GRIP1: variants seen among roughly 807,000 people sequenced by gnomAD.
GRIP1 encodes the protein glutamate receptor-interacting protein 1.
GRIP1 carries 45 observed loss-of-function variants against 129.9 expected under a neutral mutation model. The ratio of observed to expected loss-of-function variants is 0.35; its 90% CI spans 0.27 to 0.44. The LOEUF is 0.44. Among genes scored for constraint, GRIP1 ranks in the 20% least tolerant of loss-of-function variants. The pLI, the probability that GRIP1 is intolerant of heterozygous loss-of-function variation, is 1.00. For missense variants in GRIP1, 1,196 were observed against 1,396.8 expected (o/e 0.86, Z 2.29); for synonymous variants, 530 against 520.8 (o/e 1.02, Z -0.24).
At chr12:66,918,380 A>T (rs958104508) in intron 1 of GRIP1, among the ~76,000 whole-genome samples, 4 of 152,222 alleles carry the variant, frequency 2.6e-5, no homozygotes, top group Non-Finnish European at 5.9e-5. Flanking sequence ...AGGGAGGGCC[A>T]TCTTATTTTC....
rs544016293 is a variant in GRIP1 at position 66,656,751 on chromosome 12, A to G, written c.55+22099T>C. 2.6e-5 allele frequency among the ~76,000 whole-genome samples: 4 copies of G among 152,326 alleles called. No homozygotes were observed. In the East Asian group the frequency reaches 7.7e-4, roughly 29 times the overall value. On this transcript the variant is annotated intron_variant, in intron 1 of 24. Transcript: ENST00000359742. Reference sequence around the variant, plus strand: ...CATGGGGGATGGCACTTATTTATTAATTAAATAAATATTAAATGCCTGGCT... The same window carrying G: ...CATGGGGGATGGCACTTATTTATTAGTTAAATAAATATTAAATGCCTGGCT...
intron 15 of GRIP1, among the ~76,000 whole-genome samples, chr12:66,413,391 G>T (rs539955468): frequency 3.2e-4 from 48 of 152,146 alleles, no homozygotes; most frequent in African/African-American, 5.8e-4. Context: ...AAATCAAGAA[G>T]TTCTTTGAAA....
intron 9 of GRIP1, among the ~76,000 whole-genome samples, chr12:66,459,282 C>T (rs1246415453): frequency 6.6e-6 from 1 of 152,174 alleles, no homozygotes; most frequent in Non-Finnish European, 1.5e-5. Context: ...CAGGAGATGT[C>T]CCTAATGGAT....
At chr12:66,658,690 T>C (rs796130591) in intron 1 of GRIP1, among the ~76,000 whole-genome samples, 5 of 152,104 alleles carry the variant, frequency 3.3e-5, no homozygotes, top group African/African-American at 1.2e-4. Context: ...AGGAGGACTG[T>C]TTCAGCCCAG....
intron 1 of GRIP1, among the ~76,000 whole-genome samples, chr12:66,979,916 T>A (rs1566104437): frequency 6.6e-6 from 1 of 152,154 alleles, no homozygotes; most frequent in Non-Finnish European, 1.5e-5. Context: ...CTGGCCCTGC[T>A]GTCACCTTGA....
chr12:67,025,381 C>CA (rs2042927671), intron 1 of GRIP1, among the ~76,000 whole-genome samples: 1 of 151,812 alleles, frequency 6.6e-6, no homozygotes, highest in African/African-American at 2.4e-5. Flanking sequence ...AAAGAATAAG[C>CA]AAAAAGAACA....
At chr12:66,709,345 A>G (rs186653390) in intron 1 of GRIP1, among the ~76,000 whole-genome samples, 1 of 152,138 alleles carries the variant, frequency 6.6e-6, no homozygotes, top group African/African-American at 2.4e-5. Flanking sequence ...TAACAGACTC[A>G]GAATTCAAAA....
chr12:66,838,601 TGGGA>T (rs2039659660), intron 1 of GRIP1, among the ~76,000 whole-genome samples: 3 of 152,198 alleles, frequency 2.0e-5, no homozygotes, highest in Admixed American at 2.0e-4. Flanking sequence ...GAGGAATGTT[TGGGA>T]TCAGTGACTG....
intron 1 of GRIP1, among the ~76,000 whole-genome samples, chr12:67,061,390 A>T (rs1437418178): frequency 1.3e-5 from 2 of 152,248 alleles, no homozygotes; most frequent in Admixed American, 6.5e-5. Context: ...ACAGATGAGA[A>T]AGCCACAGTC....
intron 1 of GRIP1, among the ~76,000 whole-genome samples, chr12:66,675,059 AAGAG>A (rs1442430950): frequency 6.6e-6 from 1 of 152,118 alleles, no homozygotes; most frequent in East Asian, 1.9e-4. Context: ...TGTATTTGGG[AAGAG>A]AGAGAAAGTG....
intron 1 of GRIP1, among the ~76,000 whole-genome samples, chr12:66,855,869 A>T (rs1480527695): frequency 6.6e-6 from 1 of 152,064 alleles, no homozygotes; most frequent in African/African-American, 2.4e-5. Flanking sequence ...TGAATATTTT[A>T]TTCTCTTCAT....
intron 2 of GRIP1, chr12:66,567,690 T>G (rs1405037137): frequency 4.6e-6 from 1 of 219,304 alleles, no homozygotes; most frequent in Non-Finnish European, 9.9e-6. Context: ...TGTTGCATAT[T>G]TTGCATACAT....
intron 15 of GRIP1, among the ~76,000 whole-genome samples, chr12:66,419,523 T>C (rs1007939846): frequency 1.3e-5 from 2 of 152,228 alleles, no homozygotes; most frequent in African/African-American, 4.8e-5. Context: ...ATGTAATTAC[T>C]GTGCATTGCA....
At chr12:66,463,209 G>A (rs1158425450) in intron 8 of GRIP1, 116 bp from the exon 9 acceptor site, 1 of 941,734 alleles carries the variant, frequency 1.1e-6, no homozygotes, top group Non-Finnish European at 1.7e-6. Context: ...TAAAAGAAAA[G>A]AAAAGTTTGA....
rs116136679 is a variant in GRIP1 at position 66,430,833 on chromosome 12, C to T, written c.1768+1715G>A. Among the ~76,000 whole-genome samples the T allele has an allele frequency of 4.3e-3, 656 of 152,218 alleles. 7 individuals carry two copies. The highest frequency in any genetic ancestry group is 0.015 in the African/African-American group (622 of 41,530). ...AAAGCTTCTGAGGAATAGATGACTT[C>T]ACAATACCAACCAGCAGGAAGCATC... is the stretch of plus-strand genomic sequence containing the variant. On this transcript the variant is annotated intron_variant, in intron 14 of 24. Transcript: ENST00000359742.
chr12:66,659,557 G>A (rs1415882196), intron 1 of GRIP1, among the ~76,000 whole-genome samples: 1 of 152,148 alleles, frequency 6.6e-6, no homozygotes, highest in Non-Finnish European at 1.5e-5. Flanking sequence ...TGAATGTTAA[G>A]GTGTTTCCAT....
chr12:66,440,958 T>C (rs991983226), intron 13 of GRIP1, among the ~76,000 whole-genome samples: 5 of 152,212 alleles, frequency 3.3e-5, no homozygotes, highest in African/African-American at 1.2e-4. Flanking sequence ...GAGCCCACAA[T>C]GGTGTCCAGT....
chr12:66,543,799 T>C (rs930442271), intron 2 of GRIP1, among the ~76,000 whole-genome samples: 1 of 152,188 alleles, frequency 6.6e-6, no homozygotes, highest in Non-Finnish European at 1.5e-5. Context: ...ATGCAGAGTA[T>C]CCTATATATT....
At chr12:66,618,249 T>C (rs1185004446) in intron 1 of GRIP1, among the ~76,000 whole-genome samples, 1 of 152,186 alleles carries the variant, frequency 6.6e-6, no homozygotes, top group East Asian at 1.9e-4. Flanking sequence ...ATATTTTCAG[T>C]GGAAGCAGCG....
Sources: gnomAD v4.1 joint callset for allele counts (sites outside exome capture counted in the v4.1 genomes callset) on GRCh38, gnomAD v4.1.1 for gene constraint, MANE v1.5 for transcripts, NCBI Gene and HGNC (gene_info 2026-07-23, HGNC 2026-07-21) for gene names.